XRN1: variants seen among roughly 807,000 people sequenced by gnomAD.
XRN1 encodes strand-exchange protein 1 homolog.
In XRN1, 67 loss-of-function variants were observed where a neutral mutation model predicts 222.3. The observed-to-expected ratio is 0.30, with a 90% CI of 0.25 to 0.37. XRN1 has a LOEUF of 0.37. Ranked by LOEUF, XRN1 falls within the 10% of genes least tolerant of loss-of-function variation. XRN1 has a pLI of 1.00. For missense variants in XRN1, 1,707 were observed against 2,000.2 expected, an observed-to-expected ratio of 0.85 and a Z score of 2.80; for synonymous variants, 643 against 652.4, an observed-to-expected ratio of 0.99 and a Z score of 0.22.
chr3:142,365,471 A>G (rs2066786488), intron 27 of XRN1, 105 bp from the exon 28 acceptor site: 5 of 790,930 alleles, frequency 6.3e-6, no homozygotes, highest in East Asian at 6.4e-5. Flanking sequence ...CCAAATGAAG[A>G]GATTAATTTT....
chr3:142,324,419 A>G (rs1483505940), intron 37 of XRN1, among the ~76,000 whole-genome samples: 2 of 152,094 alleles, frequency 1.3e-5, no homozygotes, highest in African/African-American at 2.4e-5. Context: ...TACAAAGGAC[A>G]TGAACTCATC....
At chr3:142,441,922 T>G (rs1360595311) in intron 1 of XRN1, among the ~76,000 whole-genome samples, 3 of 152,214 alleles carry the variant, frequency 2.0e-5, no homozygotes, top group Non-Finnish European at 4.4e-5. Context: ...CGTATACAAT[T>G]CATTCGTATT....
chr3:142,406,815 T>G (rs1359085338), intron 15 of XRN1, among the ~76,000 whole-genome samples: 3 of 152,168 alleles, frequency 2.0e-5, no homozygotes, highest in Non-Finnish European at 4.4e-5. Flanking sequence ...AACATTATTT[T>G]TGATGAGAAT....
At chr3:142,311,879 C>G in intron 40 of XRN1, 66 bp from the exon 41 acceptor site, 1 of 1,453,016 alleles carries the variant, frequency 6.9e-7, no homozygotes. Context: ...TTGGAAATTA[C>G]CATAAACCAT....
At chr3:142,378,302 G>T (rs1446815142) in intron 23 of XRN1, among the ~76,000 whole-genome samples, 1 of 152,154 alleles carries the variant, frequency 6.6e-6, no homozygotes, top group Non-Finnish European at 1.5e-5. Flanking sequence ...ATTCTTAGCT[G>T]AGTGGATACA....
At chr3:142,436,523 G>T (rs756685200) in intron 1 of XRN1, among the ~76,000 whole-genome samples, 2 of 152,118 alleles carry the variant, frequency 1.3e-5, no homozygotes, top group African/African-American at 4.8e-5. Flanking sequence ...TTTGAAACGT[G>T]TATCTTTGAC....
At chr3:142,359,443 C>T (rs1485632781) in intron 30 of XRN1, among the ~76,000 whole-genome samples, 2 of 152,140 alleles carry the variant, frequency 1.3e-5, no homozygotes, top group Non-Finnish European at 2.9e-5. Flanking sequence ...ACCCTAATAG[C>T]ATTGTTTACA....
chr3:142,403,553 C>T, intron 18 of XRN1, 121 bp downstream of exon 18: 2 of 825,802 alleles, frequency 2.4e-6, no homozygotes, highest in Non-Finnish European at 3.8e-6. Context: ...TTGCTTCATC[C>T]TTATTTAGGC....
At chr3:142,418,357 C>A in intron 12 of XRN1, 147 bp downstream of exon 12, 1 of 587,282 alleles carries the variant, frequency 1.7e-6, no homozygotes, top group East Asian at 3.0e-5. Flanking sequence ...CCATCTTCTC[C>A]AAAACCAGAC....
rs1334301292 is a variant in XRN1, at chr3:142,422,633, C to T, written c.916G>A (p.Ala306Thr). The change falls in exon 8 of 41, where the codon GCA becomes ACA. Residue 306 changes from alanine (A) to threonine (T), a missense_variant. Ala to Thr is a moderately conservative substitution (Grantham distance 58, BLOSUM62 0). Around this residue, in one of 2 missense-constraint regions of XRN1, gnomAD observed 1,234 missense variants for 1,518.2 expected, o/e 0.81. Coordinates refer to ENST00000392981, the MANE Select transcript of XRN1 (RefSeq NM_001282857.2). Reference protein sequence around the residue: ...HLPHLHINHDALPLLYGTYVT... With the variant: ...HLPHLHINHDTLPLLYGTYVT... ...TATGTTCCATAAAGAAGAGGCAGTG[C>T]ATCATGATTAATATGTAAATGAGGT... 6.2e-7 allele frequency: 1 copy of T among 1,613,440 alleles called. No homozygotes were observed. Among genetic ancestry groups the T allele is most frequent in the African/African-American group, 1.3e-5 (1 of 74,888 alleles).
At chr3:142,336,583 G>A (rs1364333203) in intron 33 of XRN1, among the ~76,000 whole-genome samples, 2 of 151,240 alleles carry the variant, frequency 1.3e-5, no homozygotes, top group East Asian at 3.9e-4. Flanking sequence ...ACAAAGGGGA[G>A]AAGGAAGGGT....
chr3:142,311,666 A>C lies in XRN1; in HGVS notation c.4930T>G (p.Ser1644Ala), dbSNP rs766407533. 7 of 1,614,022 alleles carry C rather than the reference A, an allele frequency of 4.3e-6. No homozygotes were observed. Among genetic ancestry groups the C allele is most frequent in the Non-Finnish European group, 5.9e-6 (7 of 1,180,012 alleles). ...GATGCAGGTTGAGCAATCGGAGAGG[A>C]CTTCAAAGAAGCTGATGAGCTCTCC... ...PRESSSASLK[S>A]SPIAQPASSF... Residue 1644 changes from serine to alanine, a missense_variant, in exon 41 of 41, where the codon TCC (serine) becomes GCC (alanine). This residue lies in a region of XRN1 where 473 missense variants were observed against 482.0 expected (regional missense o/e 0.98). Coordinates refer to ENST00000392981, the MANE Select transcript of XRN1 (RefSeq NM_001282857.2).
chr3:142,368,298 G>A (rs6440081), intron 27 of XRN1, among the ~76,000 whole-genome samples: 10,748 of 151,858 alleles, frequency 0.071, 1,278 homozygotes, highest in African/African-American at 0.25. Context: ...ACAGGTACCC[G>A]CCACCACGCC....
chr3:142,368,087 T>G (rs2066874606), intron 27 of XRN1, among the ~76,000 whole-genome samples: 1 of 150,358 alleles, frequency 6.7e-6, no homozygotes, highest in African/African-American at 2.4e-5. Flanking sequence ...GTTAATATAT[T>G]ACATGTTTAT....
At chr3:142,432,211 AAT>A (rs2069649062) in intron 2 of XRN1, among the ~76,000 whole-genome samples, 1 of 100,544 alleles carries the variant, frequency 9.9e-6, no homozygotes, top group Admixed American at 1.1e-4. Context: ...ATATATAATT[AAT>A]TATATATATA....
chr3:142,334,961 G>A (rs1429164705), intron 34 of XRN1, among the ~76,000 whole-genome samples: 1 of 96,048 alleles, frequency 1.0e-5, no homozygotes, highest in Admixed American at 8.8e-5. Flanking sequence ...TCAGCCTCCC[G>A]AGTAACTGGG....
chr3:142,379,502 G>A (rs957105054), intron 23 of XRN1, among the ~76,000 whole-genome samples: 5 of 151,898 alleles, frequency 3.3e-5, no homozygotes, highest in Admixed American at 2.0e-4. Context: ...GGTTGATTGC[G>A]AATTAATTTT....
rs780621233 is a variant in XRN1 at position 142,426,789 on chromosome 3, T to A, written c.361A>T (p.Thr121Ser). 1.2e-6 allele frequency: 2 copies of A among 1,613,700 alleles called. No homozygotes were observed. Among genetic ancestry groups the A allele is most frequent in the Non-Finnish European group, 1.7e-6 (2 of 1,179,952 alleles). ...TCAAATCTGGCCTCTGTAGGAAGAG[T>A]TTCTCCCTTCTCTATTGCCTTTTTA... ...KIKKAIEKGE[T>S]LPTEARFDSN... The change falls in exon 3 of 41, where the codon ACT becomes TCT. Residue 121 changes from threonine (T) to serine (S), a missense_variant. Physicochemically the swap from Thr to Ser is moderately conservative, Grantham distance 58 (BLOSUM62 1). Coordinates refer to ENST00000392981, the MANE Select transcript of XRN1 (RefSeq NM_001282857.2).
Position 142,311,619 on chromosome 3 carries a change from G to A in XRN1, c.4977C>T (p.Ala1659=), listed in dbSNP as rs1560275304. The A allele has an allele frequency of 5.0e-6, 8 of 1,614,114 alleles. No homozygotes were observed. The East Asian group carries it at 8.9e-5, about 18-fold the overall frequency. The change falls in exon 41 of 41, where the codon GCC becomes GCT. Residue 1659 remains alanine (A), a synonymous_variant. Transcript: ENST00000392981. ...GGTGAGATATACTATGGCCTTGAGAGGCAGTTTCAACTTGAAAAGAAGATG... is the reference window on the plus strand; with the variant it reads ...GGTGAGATATACTATGGCCTTGAGAAGCAGTTTCAACTTGAAAAGAAGATG... ...QPASSFQVET[A]SQGHSISHHK... is the part of the protein sequence containing the mutation.
Sources: gnomAD v4.1 joint callset for allele counts (sites outside exome capture counted in the v4.1 genomes callset) on GRCh38, gnomAD v4.1.1 for gene constraint, gnomAD v4.1.1 regional missense constraint, MANE v1.5 for transcripts, NCBI Gene and HGNC (gene_info 2026-07-23, HGNC 2026-07-21) for gene names.